OR2A14: variants seen among roughly 807,000 people sequenced by gnomAD.
OR2A14 encodes olfactory receptor 2A14.
Under a neutral mutation model 2.4 loss-of-function variants are expected in OR2A14, and 2 were observed. The observed-to-expected ratio is 0.85, with a 90% confidence interval of 0.35 to 2.67. The LOEUF is 2.67. Ranked by LOEUF, OR2A14 falls within the 30% of genes most tolerant of loss-of-function variation. The pLI is 0.10. For synonymous variants in OR2A14, 160 were observed against 156.3 expected (o/e 1.02, Z -0.18); for missense variants, 390 against 379.4 (o/e 1.03, Z -0.23).
In OR2A14 at chr7:144,130,491, CAT is replaced by C. The variant is rs1162312114; in HGVS notation, c.*447_*448del. ...ACCAAATTTTATAAAATTAGCAAAA[CAT>C]GTGAACATATACTCTTACAGAAAAT... On this transcript the variant is annotated 3_prime_UTR_variant, in exon 2 of 2. Transcript: ENST00000641068. 2 of 156,174 alleles carry C rather than the reference CAT, an allele frequency of 1.3e-5. No individual in the cohort carries two copies. The highest frequency in any genetic ancestry group is 2.8e-5 in the Non-Finnish European group (2 of 70,400). The allele number at this position is 156,174 out of a possible 1,614,324, so 9.7% of individuals were successfully genotyped here.
intron 1 of OR2A14, among the ~76,000 whole-genome samples, chr7:144,125,071 C>G (rs2051472739): frequency 6.6e-6 from 1 of 152,128 alleles, no homozygotes; most frequent in Non-Finnish European, 1.5e-5. Context: ...CTATAATGTA[C>G]CAGTGCGATG....
intron 1 of OR2A14, among the ~76,000 whole-genome samples, chr7:144,125,324 T>A (rs1280920872): frequency 6.6e-6 from 1 of 152,198 alleles, no homozygotes; most frequent in Non-Finnish European, 1.5e-5. Flanking sequence ...TCCATGCAGT[T>A]TTTTCCCTTA....
chr7:144,127,396 G>A (rs2051489192), intron 1 of OR2A14, among the ~76,000 whole-genome samples: 1 of 152,038 alleles, frequency 6.6e-6, no homozygotes, highest in South Asian at 2.1e-4. Flanking sequence ...GTTAAAATAG[G>A]GATAAAAACC....
In OR2A14 at chr7:144,129,286, G is replaced by A. The variant is rs1301276684; in HGVS notation, c.174G>A (p.Met58Ile). The change falls in exon 2 of 2, where the codon ATG becomes ATA. Residue 58 changes from methionine (M) to isoleucine (I), a missense_variant. Coordinates refer to ENST00000641068, the MANE Select transcript of OR2A14 (RefSeq NM_001001659.3). ...ICLDCKLHTPMYFFLSHLAIV... is the reference protein window; with the variant it reads ...ICLDCKLHTPIYFFLSHLAIV... ...TGGACTGTAAGCTTCACACACCCAT[G>A]TACTTCTTCCTCTCACACCTGGCCA... 6.2e-7 allele frequency: 1 copy of A among 1,614,138 alleles called. No homozygotes were observed. Among genetic ancestry groups the A allele is most frequent in the Admixed American group, 1.7e-5 (1 of 60,018 alleles).
chr7:144,128,651 C>G (rs183758849), intron 1 of OR2A14, among the ~76,000 whole-genome samples: 205 of 152,312 alleles, frequency 1.3e-3, no homozygotes, highest in African/African-American at 4.7e-3. Context: ...CCCGTCCCTG[C>G]ACATCTCAGA....
rs950981031 is a variant in OR2A14, at chr7:144,129,458, G to A, written c.346G>A (p.Val116Met). 2.5e-6 allele frequency: 4 copies of A among 1,614,012 alleles called. No individual in the cohort carries two copies. The highest frequency in any genetic ancestry group is 3.4e-6 in the Non-Finnish European group (4 of 1,179,926). ...FAHVECLILVVMSYDRYADIC... is the reference protein window; with the variant it reads ...FAHVECLILVMMSYDRYADIC... The stretch of plus-strand genomic sequence containing the variant: ...TCACGTAGAGTGTCTGATTTTGGTG[G>A]TGATGTCCTATGATCGCTATGCGGA... Residue 116 changes from valine to methionine, a missense_variant, in exon 2 of 2, where the codon GTG (valine) becomes ATG (methionine). Transcript: ENST00000641068.
intron 1 of OR2A14, among the ~76,000 whole-genome samples, chr7:144,126,682 A>C: frequency 6.6e-6 from 1 of 152,158 alleles, no homozygotes; most frequent in South Asian, 2.1e-4. Context: ...GGTCTTTTAC[A>C]GTGGTAATGA....
rs1298962081 is a variant in OR2A14, at chr7:144,131,126, T to C, written c.*1081T>C. 1 of 152,236 alleles carries C rather than the reference T, an allele frequency of 6.6e-6. No homozygotes were observed. Among genetic ancestry groups the C allele is most frequent in the Non-Finnish European group, 1.5e-5 (1 of 68,050 alleles). The allele number at this position is 152,236 out of a possible 1,614,324, so 9.4% of individuals were successfully genotyped here. On this transcript the variant is annotated 3_prime_UTR_variant, in exon 2 of 2. Transcript: ENST00000641068. ...CTTGAGAGTGAGACTTTTCCTCCTT[T>C]GACACTTTCTAAAATATGCCATGAC...
intron 1 of OR2A14, among the ~76,000 whole-genome samples, chr7:144,125,512 A>C (rs193085805): frequency 6.6e-6 from 1 of 152,346 alleles, no homozygotes; most frequent in African/African-American, 2.4e-5. Context: ...AAGGAAAAAA[A>C]CTATTTTCCT....
rs144253443 is a variant in OR2A14 at position 144,124,394 on chromosome 7, G to A, written c.-35+1130G>A. On this transcript the variant is annotated intron_variant, in intron 1 of 1. Transcript: ENST00000641068. ...GGAGAATTGCTTGAACCTGGGAGGCGGAGGTTGCGGTGAGCCGAGATCTCA... is the reference window on the plus strand; with the variant it reads ...GGAGAATTGCTTGAACCTGGGAGGCAGAGGTTGCGGTGAGCCGAGATCTCA... Among the ~76,000 whole-genome samples the A allele has an allele frequency of 1.3e-3, 196 of 146,682 alleles. 3 individuals carry two copies. The East Asian group carries it at 0.033, about 25-fold the overall frequency.
rs34308692 is a variant in OR2A14 at position 144,130,105 on chromosome 7, CT to C, written c.*71del. On this transcript the variant is annotated 3_prime_UTR_variant, in exon 2 of 2. Coordinates refer to ENST00000641068, the MANE Select transcript of OR2A14 (RefSeq NM_001001659.3). The stretch of plus-strand genomic sequence containing the variant: ...GCTCCCTGCAAAATATAGAAGTTGG[CT>C]TTTTTTTTTTGTCTTCTGCTAGAAT... 581,041 of 1,054,300 alleles carry C rather than the reference CT, an allele frequency of 0.55. 131,241 individuals carry two copies. Among genetic ancestry groups the C allele is most frequent in the East Asian group, 0.72 (27,399 of 37,802 alleles). 65.3% of individuals were successfully genotyped at this position (1,054,300 alleles called of 1,614,324 possible). A position where few individuals can be genotyped will look rare whatever the true frequency, so the allele number is the denominator to read the frequency against.
chr7:144,130,162 C>T lies in OR2A14; in HGVS notation c.*117C>T. On this transcript the variant is annotated 3_prime_UTR_variant, in exon 2 of 2. Transcript: ENST00000641068. The stretch of plus-strand genomic sequence containing the variant: ...CTACCTTAAACTGGAATACTATAGA[C>T]CTATACATATAAACTGAAGACACAA... The T allele has an allele frequency of 1.3e-6, 1 of 751,580 alleles. No individual in the cohort carries two copies. The allele number at this position is 751,580 out of a possible 1,614,324, so 46.6% of individuals were successfully genotyped here.
chr7:144,124,329 G>T (rs2051466480), intron 1 of OR2A14, among the ~76,000 whole-genome samples: 1 of 152,114 alleles, frequency 6.6e-6, no homozygotes, highest in Non-Finnish European at 1.5e-5. Context: ...AGGCATGGTG[G>T]TGCATGCCTG....
intron 1 of OR2A14, 80 bp from the exon 2 acceptor site, chr7:144,128,999 T>C: frequency 1.1e-6 from 1 of 887,212 alleles, no homozygotes; most frequent in Non-Finnish European, 1.7e-6. Context: ...TGGCAACATA[T>C]CTGAGAATAA....
chr7:144,125,897 T>G (rs1183725107), intron 1 of OR2A14, among the ~76,000 whole-genome samples: 1 of 152,220 alleles, frequency 6.6e-6, no homozygotes, highest in Non-Finnish European at 1.5e-5. Flanking sequence ...ACTGGATTTT[T>G]TTTTTACTCC....
intron 1 of OR2A14, among the ~76,000 whole-genome samples, chr7:144,126,362 T>C (rs1337486096): frequency 6.6e-6 from 1 of 152,226 alleles, no homozygotes; most frequent in African/African-American, 2.4e-5. Flanking sequence ...CTGCTCACTA[T>C]GGTTCAGGTA....
rs986687863 is a variant in OR2A14 at position 144,130,892 on chromosome 7, T to C, written c.*847T>C. 2.6e-5 allele frequency: 4 copies of C among 152,250 alleles called. No homozygotes were observed. The highest frequency in any genetic ancestry group is 9.6e-5 in the African/African-American group (4 of 41,456). The allele number at this position is 152,250 out of a possible 1,614,324, so 9.4% of individuals were successfully genotyped here. Reference sequence around the variant, plus strand: ...TAGACAATGTGTAAACAAATGGGTGTGCCCGTGTTCCAATAAAACTTTATT... The same window carrying C: ...TAGACAATGTGTAAACAAATGGGTGCGCCCGTGTTCCAATAAAACTTTATT... On this transcript the variant is annotated 3_prime_UTR_variant, in exon 2 of 2. Coordinates refer to ENST00000641068, the MANE Select transcript of OR2A14 (RefSeq NM_001001659.3).
chr7:144,126,023 G>C (rs987126646), intron 1 of OR2A14, among the ~76,000 whole-genome samples: 4 of 152,128 alleles, frequency 2.6e-5, no homozygotes, highest in Non-Finnish European at 5.9e-5. Context: ...ATATCCATGT[G>C]CTTGGAGGTC....
Position 144,129,618 on chromosome 7 carries a change from G to C in OR2A14, c.506G>C (p.Gly169Ala). ...CTCATCCTGAGCCTGCCCTTCTGCG[G>C]GCCTCATGAAATCAACCACTTCTTC... ...LVLILSLPFC[G>A]PHEINHFFCE... Residue 169 changes from glycine (G) to alanine (A), a missense_variant, in exon 2 of 2, where the codon GGG becomes GCG. By Grantham distance (60) the Gly-to-Ala change is moderately conservative (BLOSUM62 0). Transcript: ENST00000641068. 1 of 1,589,220 alleles carries C rather than the reference G, an allele frequency of 6.3e-7. No individual in the cohort carries two copies. The highest frequency in any genetic ancestry group is 1.5e-5 in the African/African-American group (1 of 68,912).
Sources: gnomAD v4.1 joint callset for allele counts (sites outside exome capture counted in the v4.1 genomes callset) on GRCh38, gnomAD v4.1.1 for gene constraint, MANE v1.5 for transcripts, NCBI Gene and HGNC (gene_info 2026-07-23, HGNC 2026-07-21) for gene names.